PIK3CA: variants seen among roughly 807,000 people sequenced by gnomAD.
PIK3CA encodes phosphatidylinositol 4,5-bisphosphate 3-kinase catalytic subunit alpha isoform.
In PIK3CA, 27 loss-of-function variants were observed where a neutral mutation model predicts 138.2. That is an observed-to-expected ratio of 0.20 (90% CI 0.14 to 0.27). PIK3CA has a LOEUF of 0.27. Among genes scored for constraint, PIK3CA ranks in the 10% least tolerant of loss-of-function variants. The probability of loss-of-function intolerance (pLI) is 1.00; values close to 1 mark genes in which losing one functional copy is unlikely to be tolerated. For missense variants in PIK3CA, 544 were observed against 1,277.4 expected, an observed-to-expected ratio of 0.43 and a Z score of 8.75; for synonymous variants, 358 against 413.2, an observed-to-expected ratio of 0.87 and a Z score of 1.62.
chr3:179,201,077 G>T (rs1724397679), intron 3 of PIK3CA, among the ~76,000 whole-genome samples: 1 of 152,114 alleles, frequency 6.6e-6, no homozygotes, highest in South Asian at 2.1e-4. Flanking sequence ...AGTTTTGTGT[G>T]CTTGTCATAA....
chr3:179,168,921 C>T (rs7641983), intron 1 of PIK3CA, among the ~76,000 whole-genome samples: 38,239 of 150,814 alleles, frequency 0.25, 5,820 homozygotes, highest in African/African-American at 0.42. Context: ...GTTTTTTTTC[C>T]TTTTGTCTGG....
chr3:179,184,502 T>C (rs920365075), intron 1 of PIK3CA, among the ~76,000 whole-genome samples: 11 of 152,204 alleles, frequency 7.2e-5, no homozygotes, highest in Non-Finnish European at 1.6e-4. Flanking sequence ...CAGATCACTT[T>C]GGCCTTCTGA....
At chr3:179,185,387 A>G (rs955849474) in intron 1 of PIK3CA, among the ~76,000 whole-genome samples, 2 of 152,200 alleles carry the variant, frequency 1.3e-5, no homozygotes, top group Non-Finnish European at 2.9e-5. Context: ...TCACACTACA[A>G]TAATCAACAC....
chr3:179,237,195 T>C lies in PIK3CA; in HGVS notation c.*2831T>C, dbSNP rs1725348621. 5.1e-6 allele frequency: 1 copy of C among 194,466 alleles called. No homozygotes were observed. Among genetic ancestry groups the C allele is most frequent in the Admixed American group, 6.1e-5 (1 of 16,364 alleles). 12.0% of individuals were successfully genotyped at this position (194,466 alleles called of 1,614,324 possible). Reference sequence around the variant, plus strand: ...GTTAATTTGAAATCTGTTACTCTTATTGTGGAATTTGTTTTTTTAAAAAAG... The same window carrying C: ...GTTAATTTGAAATCTGTTACTCTTACTGTGGAATTTGTTTTTTTAAAAAAG... On this transcript the variant is annotated 3_prime_UTR_variant, in exon 21 of 21. Coordinates refer to ENST00000263967, the MANE Select transcript of PIK3CA (RefSeq NM_006218.4).
chr3:179,158,526 G>A (rs1168629123), intron 1 of PIK3CA, among the ~76,000 whole-genome samples: 1 of 152,022 alleles, frequency 6.6e-6, no homozygotes, highest in African/African-American at 2.4e-5. Flanking sequence ...GACAAGAGTT[G>A]TGTCGTATTG....
At chr3:179,203,260 CT>C (rs199690089) in intron 4 of PIK3CA, among the ~76,000 whole-genome samples, 1 of 151,952 alleles carries the variant, frequency 6.6e-6, no homozygotes. Flanking sequence ...TTTTTAATTC[CT>C]TTTTTTGCCT....
At chr3:179,202,210 G>A (rs769456577) in intron 4 of PIK3CA, among the ~76,000 whole-genome samples, 5 of 152,084 alleles carry the variant, frequency 3.3e-5, no homozygotes, top group African/African-American at 7.2e-5. Context: ...GACCACATGC[G>A]TGTGCCACCA....
intron 1 of PIK3CA, among the ~76,000 whole-genome samples, chr3:179,169,994 T>TC (rs1285180563): frequency 1.3e-5 from 2 of 152,176 alleles, no homozygotes; most frequent in Non-Finnish European, 2.9e-5. Flanking sequence ...ACATTAATTC[T>TC]CTCTCTTTCC....
intron 17 of PIK3CA, 54 bp downstream of exon 17, chr3:179,226,094 C>A: frequency 1.0e-6 from 1 of 960,030 alleles, no homozygotes. Flanking sequence ...AAAAAGTGAA[C>A]TATTAATAAT....
In PIK3CA at chr3:179,238,337, T is replaced by A. The variant is rs1725371248; in HGVS notation, c.*3973T>A. The A allele has an allele frequency of 1.4e-5, 3 of 214,150 alleles. No individual in the cohort carries two copies. The highest frequency in any genetic ancestry group is 5.9e-5 in the Admixed American group (1 of 17,048). The allele number at this position is 214,150 out of a possible 1,614,324, so 13.3% of individuals were successfully genotyped here. ...ACAATACCATTTTTAATTATTACAT[T>A]AAAAATTGTAAATATATCTATGTGC... On this transcript the variant is annotated 3_prime_UTR_variant, in exon 21 of 21. Transcript: ENST00000263967.
chr3:179,216,150 A>G (rs1724831183), intron 9 of PIK3CA, among the ~76,000 whole-genome samples: 1 of 152,348 alleles, frequency 6.6e-6, no homozygotes, highest in East Asian at 1.9e-4. Context: ...TCAGATGACA[A>G]CACCTAAACT....
At chr3:179,198,712 G>A (rs200574200) in intron 1 of PIK3CA, 38 bp from the exon 2 acceptor site, 1 of 566,080 alleles carries the variant, frequency 1.8e-6, no homozygotes. Flanking sequence ...TTCTGTAGTT[G>A]TGTCTCTTTT....
chr3:179,229,501 C>A (rs17849077), intron 18 of PIK3CA, 59 bp downstream of exon 18: 1 of 1,338,560 alleles, frequency 7.5e-7, no homozygotes, highest in South Asian at 1.4e-5. Context: ...ATGAGTCTGT[C>A]GGTGTTTGTG....
Position 179,225,945 on chromosome 3 carries a change from T to C in PIK3CA, c.2417-17T>C, listed in dbSNP as rs200828072. On this transcript the variant is annotated splice_polypyrimidine_tract_variant and intron_variant, in intron 16 of 20. Coordinates refer to ENST00000263967, the MANE Select transcript of PIK3CA (RefSeq NM_006218.4). ...ATCTGTGGCATTAAATGGTGATACA[T>C]ATTATTTGAATTTCAGATTTACGGC... is the stretch of plus-strand genomic sequence containing the variant. The C allele has an allele frequency of 1.5e-6, 2 of 1,334,278 alleles. No homozygotes were observed. The highest frequency in any genetic ancestry group is 2.2e-6 in the Non-Finnish European group (2 of 929,862). 82.7% of individuals were successfully genotyped at this position (1,334,278 alleles called of 1,614,324 possible).
intron 9 of PIK3CA, among the ~76,000 whole-genome samples, chr3:179,212,311 CT>C (rs944592320): frequency 4.0e-4 from 53 of 133,326 alleles, no homozygotes; most frequent in Non-Finnish European, 4.5e-4. Flanking sequence ...CCCGGCCAAA[CT>C]TTTTTTTTTT....
chr3:179,182,153 G>A (rs534095063), intron 1 of PIK3CA, among the ~76,000 whole-genome samples: 2 of 151,844 alleles, frequency 1.3e-5, no homozygotes, highest in African/African-American at 4.9e-5. Context: ...TTATTTTAAT[G>A]TCAGCAGAAG....
chr3:179,213,200 T>C (rs1198918579), intron 9 of PIK3CA, among the ~76,000 whole-genome samples: 1 of 152,162 alleles, frequency 6.6e-6, no homozygotes, highest in Non-Finnish European at 1.5e-5. Context: ...GCTATACCTC[T>C]GAGGTATTGT....
At chr3:179,215,220 G>C (rs2108405591) in intron 9 of PIK3CA, among the ~76,000 whole-genome samples, 1 of 152,128 alleles carries the variant, frequency 6.6e-6, no homozygotes, top group East Asian at 1.9e-4. Flanking sequence ...TATCTTTTCT[G>C]CATATATATT....
chr3:179,165,414 CAA>C (rs1292610172), intron 1 of PIK3CA, among the ~76,000 whole-genome samples: 4 of 152,002 alleles, frequency 2.6e-5, no homozygotes, highest in South Asian at 2.1e-4. Context: ...TTTTTTGAAA[CAA>C]GAGTCTCACT....
Sources: allele counts gnomAD v4.1 joint callset (sites outside exome capture counted in the v4.1 genomes callset), GRCh38; gene constraint gnomAD v4.1.1; transcripts MANE v1.5; gene names NCBI Gene and HGNC (gene_info 2026-07-23, HGNC 2026-07-21).